The following PPARD variants were observed in gnomAD, a reference collection of about 807,000 sequenced individuals.
The protein encoded by PPARD is peroxisome proliferator-activated receptor delta.
In PPARD, 6 loss-of-function variants were observed where a neutral mutation model predicts 39.5. The ratio of observed to expected loss-of-function variants is 0.15; its 90% confidence interval spans 0.08 to 0.30. The LOEUF is 0.30. Among genes scored for constraint, PPARD ranks in the 10% least tolerant of loss-of-function variants. The pLI, the probability that PPARD is intolerant of heterozygous loss-of-function variation, is 1.00. For synonymous variants in PPARD, 210 were observed against 231.3 expected (o/e 0.91, Z 0.83); for missense variants, 397 against 596.8 (o/e 0.67, Z 3.49).
At position 35,420,163 on chromosome 6, in the gene PPARD, A is replaced by AC. The variant is rs1476162909; in HGVS notation, c.169dup (p.Gln57ProfsTer7). 6.2e-7 allele frequency: 1 copy of AC among 1,613,514 alleles called. No homozygotes were observed. Among genetic ancestry groups the AC allele is most frequent in the Non-Finnish European group, 8.5e-7 (1 of 1,179,864 alleles). The stretch of plus-strand genomic sequence containing the variant: ...AGCTCCTCGCCACCCTCACTGCTGG[A>AC]CCAACTGCAGATGGGCTGTGACGGG... On this transcript the variant is annotated frameshift_variant, in exon 4 of 8. Transcript: ENST00000360694. LOFTEE classifies it high-confidence loss of function.
In PPARD at chr6:35,401,388, C is replaced by T. The variant is rs1764685579; in HGVS notation, c.-101-9599C>T. ...ATCACCTTCAGTCTGTTCTCATCTTCAGTCTGTTCTCCACAGCAGCCTGAA... is the reference window on the plus strand; with the variant it reads ...ATCACCTTCAGTCTGTTCTCATCTTTAGTCTGTTCTCCACAGCAGCCTGAA... On this transcript the variant is annotated intron_variant, in intron 2 of 7. Coordinates refer to ENST00000360694, the MANE Select transcript of PPARD (RefSeq NM_006238.5). This position sits in a 1 kb window ranked among gnomAD's most constrained non-coding sequence, Gnocchi z 4.1. Among the ~76,000 whole-genome samples, 1 of 152,196 alleles carries T rather than the reference C, an allele frequency of 6.6e-6. No individual in the cohort carries two copies. The highest frequency in any genetic ancestry group is 6.5e-5 in the Admixed American group (1 of 15,282).
chr6:35,396,545 A>G (rs1394941018), intron 2 of PPARD, among the ~76,000 whole-genome samples: 1 of 148,922 alleles, frequency 6.7e-6, no homozygotes, highest in Non-Finnish European at 1.5e-5. Flanking sequence ...AAAAAAAAAA[A>G]AAAGGCCAGG....
intron 2 of PPARD, among the ~76,000 whole-genome samples, chr6:35,404,391 A>G (rs531831252): frequency 6.6e-6 from 1 of 152,304 alleles, no homozygotes; most frequent in Non-Finnish European, 1.5e-5. Flanking sequence ...GGAAGCTAGT[A>G]CTATTGTGAT....
intron 2 of PPARD, among the ~76,000 whole-genome samples, chr6:35,407,115 C>T (rs946537312): frequency 8.5e-5 from 13 of 152,162 alleles, no homozygotes; most frequent in African/African-American, 9.7e-5. Flanking sequence ...TCAGGTCTTC[C>T]CCAGGGTCAC....
chr6:35,385,123 G>C (rs1763532780), intron 2 of PPARD, among the ~76,000 whole-genome samples: 1 of 145,798 alleles, frequency 6.9e-6, no homozygotes, highest in South Asian at 2.2e-4. Flanking sequence ...CCACCACCCC[G>C]TCTGGGAGGT....
intron 2 of PPARD, among the ~76,000 whole-genome samples, chr6:35,350,612 C>CTTTTTTT (rs959545502): frequency 2.9e-5 from 3 of 104,552 alleles, no homozygotes; most frequent in African/African-American, 4.2e-5. Flanking sequence ...GTCTATGTGT[C>CTTTTTTT]TTTTTTTTTT....
rs146759888 is a variant in PPARD, at chr6:35,391,936, C to T, written c.-101-19051C>T. On this transcript the variant is annotated intron_variant, in intron 2 of 7. Coordinates refer to ENST00000360694, the MANE Select transcript of PPARD (RefSeq NM_006238.5). ...CTGCCCTTGTCCTTATGCCAAGCTGCCTCCTTTGTGAGGCAGCTGGTTGTT... is the reference window on the plus strand; with the variant it reads ...CTGCCCTTGTCCTTATGCCAAGCTGTCTCCTTTGTGAGGCAGCTGGTTGTT... Among the ~76,000 whole-genome samples the T allele has an allele frequency of 6.0e-3, 912 of 152,130 alleles. 7 individuals carry two copies. The highest frequency in any genetic ancestry group is 0.017 in the Middle Eastern group (5 of 294).
intron 2 of PPARD, among the ~76,000 whole-genome samples, chr6:35,364,431 C>CTTTTTTTTT (rs529866520): frequency 7.9e-6 from 1 of 127,190 alleles, no homozygotes; most frequent in Non-Finnish European, 1.6e-5. Flanking sequence ...CCATGTTTAA[C>CTTTTTTTTT]TTTTTTTTTT....
intron 2 of PPARD, among the ~76,000 whole-genome samples, chr6:35,407,667 A>G (rs550355615): frequency 1.3e-5 from 2 of 150,748 alleles, no homozygotes; most frequent in South Asian, 2.1e-4. Flanking sequence ...TATAATAATA[A>G]TAAAATAAAT....
intron 2 of PPARD, among the ~76,000 whole-genome samples, chr6:35,381,210 C>T (rs1763134535): frequency 6.6e-6 from 1 of 152,112 alleles, no homozygotes; most frequent in Non-Finnish European, 1.5e-5. Flanking sequence ...GTGCTTCTGT[C>T]CTTCCCTCCT....
In PPARD at chr6:35,421,811, G is replaced by T. The variant is rs766551939; in HGVS notation, c.286-9G>T. The T allele has an allele frequency of 3.1e-6, 5 of 1,604,082 alleles. No homozygotes were observed. The Admixed American group carries it at 8.5e-5, about 27-fold the overall frequency. On this transcript the variant is annotated splice_polypyrimidine_tract_variant and intron_variant, in intron 4 of 7. Transcript: ENST00000360694. ...GGTGGCCTTTCCTCACCTGTTCTTGGTGCTTCAGGGCTTCTTCCGTCGTAC... is the reference window on the plus strand; with the variant it reads ...GGTGGCCTTTCCTCACCTGTTCTTGTTGCTTCAGGGCTTCTTCCGTCGTAC...
intron 2 of PPARD, among the ~76,000 whole-genome samples, chr6:35,386,492 A>AAAAC (rs139917526): frequency 0.054 from 8,240 of 151,626 alleles, 728 homozygotes; most frequent in African/African-American, 0.18. Flanking sequence ...CCCCATCTTA[A>AAAAC]AAACAAACAA....
intron 2 of PPARD, among the ~76,000 whole-genome samples, chr6:35,347,442 A>G (rs1443307925): frequency 6.6e-6 from 1 of 152,176 alleles, no homozygotes; most frequent in Non-Finnish European, 1.5e-5. Flanking sequence ...TGTTGTGTCT[A>G]GGATAGTGCC....
intron 2 of PPARD, among the ~76,000 whole-genome samples, chr6:35,390,102 G>A (rs1442135574): frequency 1.3e-5 from 2 of 152,164 alleles, no homozygotes; most frequent in Non-Finnish European, 2.9e-5. Flanking sequence ...CTGTGTTCTC[G>A]GCTGCGTTGC....
In PPARD at chr6:35,347,107, G is replaced by A. The variant is rs1209309011; in HGVS notation, c.-145G>A. The A allele has an allele frequency of 6.5e-7, 1 of 1,536,022 alleles. No individual in the cohort carries two copies. The highest frequency in any genetic ancestry group is 1.4e-5 in the African/African-American group (1 of 73,048). ...TGGGCATGCACGTGATACTCACACA[G>A]TGGCTTCTGCTCACCAACAGATGAA... On this transcript the variant is annotated 5_prime_UTR_variant, in exon 2 of 8. The change creates a new upstream start codon in the 5' untranslated region. Transcript: ENST00000360694.
chr6:35,380,741 G>T (rs566534569), intron 2 of PPARD, among the ~76,000 whole-genome samples: 2 of 152,162 alleles, frequency 1.3e-5, no homozygotes, highest in South Asian at 2.1e-4. Context: ...TGATCCTCCT[G>T]CCCTGGCCTC....
At chr6:35,377,631 A>C (rs1168520540) in intron 2 of PPARD, among the ~76,000 whole-genome samples, 1 of 152,180 alleles carries the variant, frequency 6.6e-6, no homozygotes, top group Non-Finnish European at 1.5e-5. Context: ...TCTCATCTGT[A>C]AAATGGCAGC....
chr6:35,367,577 T>C (rs1417708208), intron 2 of PPARD, among the ~76,000 whole-genome samples: 1 of 152,256 alleles, frequency 6.6e-6, no homozygotes, highest in African/African-American at 2.4e-5. Context: ...ACAAATCACC[T>C]GTGAAACTCA....
At chr6:35,400,490 A>C (rs1476176262) in intron 2 of PPARD, among the ~76,000 whole-genome samples, 2 of 152,168 alleles carry the variant, frequency 1.3e-5, no homozygotes, top group Admixed American at 1.3e-4. Flanking sequence ...GGGCTGTCCT[A>C]GTCTTAATTG....
Sources: allele counts gnomAD v4.1 joint callset (sites outside exome capture counted in the v4.1 genomes callset), GRCh38; gene constraint gnomAD v4.1.1; non-coding constraint Gnocchi (gnomAD v3.1); transcripts MANE v1.5; gene names NCBI Gene and HGNC (gene_info 2026-07-23, HGNC 2026-07-21).